The following PIGN variants were observed in gnomAD, a reference collection of about 807,000 sequenced individuals.
The protein encoded by PIGN is GPI ethanolamine phosphate transferase 1.
Under a neutral mutation model 125.4 loss-of-function variants are expected in PIGN, and 117 were observed. The observed-to-expected ratio is 0.93, with a 90% CI of 0.80 to 1.09. The LOEUF (loss-of-function observed/expected upper bound fraction) is 1.09, where lower values mean the gene tolerates loss of function less well. Among genes scored for constraint, PIGN ranks in the 50% least tolerant of loss-of-function variants. PIGN has a pLI of 0.00. For missense variants in PIGN, 1,075 were observed against 1,094.9 expected (o/e 0.98, Z 0.26); for synonymous variants, 392 against 377.8 (o/e 1.04, Z -0.44).
rs781521846 is a variant in PIGN, at chr18:62,106,782, C to T, written c.1767+7G>A. The T allele has an allele frequency of 5.0e-6, 8 of 1,587,734 alleles. No homozygotes were observed. Among genetic ancestry groups the T allele is most frequent in the South Asian group, 1.1e-5 (1 of 88,040 alleles). Reference sequence around the variant, plus strand: ...AATCTGTCCTATGTCAAAATGAGTACTCATACCTTTGCTCGAGTCCACAGC... The same window carrying T: ...AATCTGTCCTATGTCAAAATGAGTATTCATACCTTTGCTCGAGTCCACAGC... On this transcript the variant is annotated splice_region_variant and intron_variant, in intron 19 of 30. Coordinates refer to ENST00000640252, the MANE Select transcript of PIGN (RefSeq NM_176787.5).
At chr18:62,050,341 G>A (rs2031168165) in intron 30 of PIGN, among the ~76,000 whole-genome samples, 1 of 151,690 alleles carries the variant, frequency 6.6e-6, no homozygotes, top group South Asian at 2.1e-4. Context: ...AGCATGGAAT[G>A]TTCTTCCATT....
intron 23 of PIGN, among the ~76,000 whole-genome samples, chr18:62,035,553 T>C (rs1014271512): frequency 1.3e-5 from 2 of 152,262 alleles, no homozygotes; most frequent in Middle Eastern, 3.4e-3. Flanking sequence ...GTACTTTAAG[T>C]TCTAGGGTAC....
chr18:62,130,562 G>C (rs1209457465), intron 14 of PIGN, among the ~76,000 whole-genome samples: 1 of 151,880 alleles, frequency 6.6e-6, no homozygotes, highest in Non-Finnish European at 1.5e-5. Flanking sequence ...GAAATGAGTT[G>C]TCTTAATCTG....
At position 62,086,164 on chromosome 18, in the gene PIGN, T is replaced by C. The variant is rs561087777; in HGVS notation, c.2371-900A>G. On this transcript the variant is annotated intron_variant, in intron 25 of 30. Coordinates refer to ENST00000640252, the MANE Select transcript of PIGN (RefSeq NM_176787.5). Reference sequence around the variant, plus strand: ...TACTCAAATGGTGACTAAGATATGATGACAGAAATAGAGGAGAGACATTTT... The same window carrying C: ...TACTCAAATGGTGACTAAGATATGACGACAGAAATAGAGGAGAGACATTTT... 2.6e-5 allele frequency among the ~76,000 whole-genome samples: 4 copies of C among 152,062 alleles called. No homozygotes were observed. In the East Asian group the frequency reaches 5.8e-4, roughly 22 times the overall value.
At chr18:62,183,754 G>A (rs989852524) in intron 1 of PIGN, among the ~76,000 whole-genome samples, 4 of 151,704 alleles carry the variant, frequency 2.6e-5, no homozygotes, top group East Asian at 1.9e-4. Flanking sequence ...TCATTTCAAG[G>A]GTAAATGCAA....
chr18:62,174,355 C>G (rs776960455), intron 1 of PIGN: 9 of 152,138 alleles, frequency 5.9e-5, no homozygotes, highest in Non-Finnish European at 1.2e-4. Context: ...AGACACACTC[C>G]CATTCACTTC....
chr18:62,152,414 T>C (rs944371847), intron 7 of PIGN, among the ~76,000 whole-genome samples: 10 of 152,102 alleles, frequency 6.6e-5, no homozygotes, highest in Non-Finnish European at 5.9e-5. Flanking sequence ...CAACACCCAC[T>C]TCCCCTTATG....
intron 30 of PIGN, among the ~76,000 whole-genome samples, chr18:62,067,976 G>C (rs2032623308): frequency 6.6e-6 from 1 of 152,158 alleles, no homozygotes; most frequent in Admixed American, 6.5e-5. Flanking sequence ...TCGTGTTTTA[G>C]GATGAGCGGG....
downstream of PIGN, among the ~76,000 whole-genome samples, chr18:62,039,696 C>A (rs646790): frequency 1.1e-3 from 129 of 112,848 alleles, no homozygotes; most frequent in African/African-American, 3.5e-3. Flanking sequence ...GGTGCCGCAC[C>A]CCATGTTTAG....
intron 14 of PIGN, among the ~76,000 whole-genome samples, chr18:62,122,165 T>C (rs1378831571): frequency 6.6e-6 from 1 of 152,120 alleles, no homozygotes; most frequent in African/African-American, 2.4e-5. Flanking sequence ...TAATATATTA[T>C]ACATTTCAAA....
rs184483158 is a variant in PIGN, at chr18:62,027,832, G to A, written c.2143-10091C>T. Among the ~76,000 whole-genome samples the A allele has an allele frequency of 5.2e-3, 790 of 152,168 alleles. 5 individuals carry two copies. Among genetic ancestry groups the A allele is most frequent in the Non-Finnish European group, 9.2e-3 (624 of 68,004 alleles). ...TGAGGTGGGAGGATTGCTTGAGCCT[G>A]GGAGGTCAAGGCAGCAGTGAGCCGT... On this transcript the variant is annotated intron_variant, in intron 23 of 24. Transcript: ENST00000639600.
chr18:62,114,517 A>C, intron 15 of PIGN, 44 bp downstream of exon 15: 2 of 1,227,752 alleles, frequency 1.6e-6, no homozygotes, highest in Non-Finnish European at 2.3e-6. Context: ...TCCATCCCCA[A>C]AATGATAATC....
At chr18:62,172,633 T>C (rs977840855) in intron 1 of PIGN, among the ~76,000 whole-genome samples, 3 of 152,198 alleles carry the variant, frequency 2.0e-5, no homozygotes, top group African/African-American at 7.2e-5. Context: ...TGCAAATGTA[T>C]ATTTGCATTT....
intron 25 of PIGN, 141 bp downstream of exon 25, chr18:62,088,615 A>G (rs1218598879): frequency 7.0e-6 from 4 of 573,448 alleles, no homozygotes; most frequent in African/African-American, 3.9e-5. Context: ...TTTAATGTGA[A>G]TTACATGAGA....
intron 3 of PIGN, among the ~76,000 whole-genome samples, chr18:62,161,594 C>A (rs907351511): frequency 7.9e-5 from 12 of 151,816 alleles, no homozygotes; most frequent in African/African-American, 2.7e-4. Flanking sequence ...TACATCTAAG[C>A]AAAAAGAAAA....
chr18:62,094,889 T>G (rs2034112276), intron 23 of PIGN, among the ~76,000 whole-genome samples: 1 of 152,166 alleles, frequency 6.6e-6, no homozygotes, highest in African/African-American at 2.4e-5. Flanking sequence ...ATCTCTTATA[T>G]GAGACTACAA....
At chr18:62,163,327 G>GGA (rs1178071163) in intron 2 of PIGN, among the ~76,000 whole-genome samples, 1 of 152,082 alleles carries the variant, frequency 6.6e-6, no homozygotes, top group Admixed American at 6.5e-5. Flanking sequence ...TTTTCCTGTT[G>GGA]GAGATAACCT....
At chr18:62,114,671 G>A (rs747098478) in intron 14 of PIGN, 32 bp from the exon 15 acceptor site, 3 of 1,053,342 alleles carry the variant, frequency 2.8e-6, no homozygotes, top group East Asian at 2.7e-5. Context: ...GGTTTAAAGG[G>A]TTTCCTCATT....
At chr18:62,162,721 G>A (rs1237082811) in intron 2 of PIGN, among the ~76,000 whole-genome samples, 1 of 152,034 alleles carries the variant, frequency 6.6e-6, no homozygotes, top group African/African-American at 2.4e-5. Flanking sequence ...CTGACAAAGA[G>A]AATCTTTATG....
Sources: allele counts gnomAD v4.1 joint callset (sites outside exome capture counted in the v4.1 genomes callset), GRCh38; gene constraint gnomAD v4.1.1; transcripts MANE v1.5; gene names NCBI Gene and HGNC (gene_info 2026-07-23, HGNC 2026-07-21).